IMMP1L: variants seen among roughly 807,000 people sequenced by gnomAD.
The protein encoded by IMMP1L is mitochondrial inner membrane protease subunit 1.
IMMP1L carries 24 observed loss-of-function variants against 21.8 expected under a neutral mutation model. The ratio of observed to expected loss-of-function variants is 1.10; its 90% CI spans 0.80 to 1.55. IMMP1L has a LOEUF of 1.55. IMMP1L is among the 40% of genes most tolerant of loss of function. The pLI is 0.00. For missense variants in IMMP1L, 195 were observed against 200.7 expected, an observed-to-expected ratio of 0.97 and a Z score of 0.17; for synonymous variants, 46 against 62.8, an observed-to-expected ratio of 0.73 and a Z score of 1.26.
rs376599437 is a variant in IMMP1L, at chr11:31,499,113, C to T, written c.-30+10406G>A. ...GGGCGAGGTGGCTTACACTGTAATC[C>T]CAGCACTTTGGAAGGCCAAGGTGCA... On this transcript the variant is annotated intron_variant, in intron 1 of 5. Transcript: ENST00000532287. Among the ~76,000 whole-genome samples, 472 of 152,186 alleles carry T rather than the reference C, an allele frequency of 3.1e-3. 3 individuals carry two copies. Among genetic ancestry groups the T allele is most frequent in the African/African-American group, 0.01 (417 of 41,510 alleles).
intron 4 of IMMP1L, chr11:31,452,114 T>A (rs1953776698): frequency 1.7e-6 from 1 of 593,696 alleles, no homozygotes; most frequent in Non-Finnish European, 2.1e-6. Flanking sequence ...TGGAATGAGT[T>A]CGAAAAAATA....
At position 31,464,748 on chromosome 11, in the gene IMMP1L, G is replaced by A. The variant is rs139371434; in HGVS notation, c.-29-1443C>T. Among the ~76,000 whole-genome samples the A allele has an allele frequency of 5.0e-3, 767 of 152,110 alleles. 5 individuals carry two copies. Among genetic ancestry groups the A allele is most frequent in the South Asian group, 0.015 (73 of 4,818 alleles). The stretch of plus-strand genomic sequence containing the variant: ...TTGATAAATTTCAACATCACTTCAC[G>A]ATACAAACTCTCAAGAAATTAGGCA... On this transcript the variant is annotated intron_variant, in intron 1 of 5. Transcript: ENST00000532287.
intron 1 of IMMP1L, chr11:31,488,124 T>C (rs1725544325): frequency 6.6e-6 from 1 of 152,012 alleles, no homozygotes; most frequent in Admixed American, 6.6e-5. Context: ...AAAAGCCCAC[T>C]TACCATAGGT....
chr11:31,439,510 A>G (rs1953246711), intron 4 of IMMP1L, among the ~76,000 whole-genome samples: 1 of 152,118 alleles, frequency 6.6e-6, no homozygotes, highest in Admixed American at 6.5e-5. Context: ...CTTCTCTGCT[A>G]ATTCCATAAT....
chr11:31,496,989 ATAT>A (rs1955463818), intron 1 of IMMP1L, among the ~76,000 whole-genome samples: 1 of 64,906 alleles, frequency 1.5e-5, no homozygotes, highest in African/African-American at 1.7e-4. Context: ...TGATAATCTT[ATAT>A]CATATACTAT....
At chr11:31,465,400 G>A (rs1243813920) in intron 1 of IMMP1L, among the ~76,000 whole-genome samples, 1 of 152,084 alleles carries the variant, frequency 6.6e-6, no homozygotes, top group Non-Finnish European at 1.5e-5. Flanking sequence ...AAGATTCAAT[G>A]CAATCTCTAT....
intron 1 of IMMP1L, among the ~76,000 whole-genome samples, chr11:31,492,447 T>C (rs1955287339): frequency 6.6e-6 from 1 of 152,188 alleles, no homozygotes; most frequent in Non-Finnish European, 1.5e-5. Flanking sequence ...TCCATATGAG[T>C]AATAAGGTCA....
intron 4 of IMMP1L, among the ~76,000 whole-genome samples, chr11:31,446,333 T>C (rs528092527): frequency 3.3e-5 from 5 of 152,216 alleles, no homozygotes; most frequent in East Asian, 1.9e-4. Context: ...CAGGCTCTCC[T>C]AATCCTAGCC....
chr11:31,473,836 T>C, intron 1 of IMMP1L: 1 of 547,502 alleles, frequency 1.8e-6, no homozygotes, highest in Non-Finnish European at 2.3e-6. Flanking sequence ...AATATATATA[T>C]ACACATTATA....
intron 2 of IMMP1L, among the ~76,000 whole-genome samples, chr11:31,461,763 CAAAATCCAAAAAAATCT>C (rs1342082370): frequency 1.3e-5 from 2 of 151,990 alleles, no homozygotes; most frequent in African/African-American, 4.8e-5. Flanking sequence ...GCAAATATTC[CAAAATCCAAAAAAATCT>C]AAAATCCATA....
At chr11:31,443,319 C>T (rs968041821) in intron 4 of IMMP1L, among the ~76,000 whole-genome samples, 2 of 152,008 alleles carry the variant, frequency 1.3e-5, no homozygotes, top group African/African-American at 4.8e-5. Flanking sequence ...TCCTATAGTG[C>T]CAGCAGAAGC....
chr11:31,463,154 T>C lies in IMMP1L; in HGVS notation c.105+18A>G. 1 of 1,579,086 alleles carries C rather than the reference T, an allele frequency of 6.3e-7. No individual in the cohort carries two copies. The highest frequency in any genetic ancestry group is 8.6e-7 in the Non-Finnish European group (1 of 1,163,950). On this transcript the variant is annotated intron_variant, in intron 2 of 5. Transcript: ENST00000532287. Reference sequence around the variant, plus strand: ...AAGTATATATTTAAGATGAATATTCTTGAACATAAAAACTTACCATGACAA... The same window carrying C: ...AAGTATATATTTAAGATGAATATTCCTGAACATAAAAACTTACCATGACAA...
chr11:31,438,757 T>C (rs1953213039), intron 4 of IMMP1L, among the ~76,000 whole-genome samples: 2 of 152,292 alleles, frequency 1.3e-5, no homozygotes, highest in South Asian at 4.1e-4. Flanking sequence ...AATTTTTTCA[T>C]TTATTCAATT....
chr11:31,452,407 G>A (rs1232211395), intron 4 of IMMP1L: 3 of 985,208 alleles, frequency 3.0e-6, no homozygotes, highest in Middle Eastern at 5.2e-4. Context: ...CATTCCCTAA[G>A]GGAATTAAAT....
chr11:31,463,368 A>T lies in IMMP1L; in HGVS notation c.-29-63T>A, dbSNP rs148605225. The T allele has an allele frequency of 2.3e-4, 315 of 1,366,684 alleles. 7 individuals are homozygous for T. In the East Asian group the frequency reaches 8.7e-3, roughly 38 times the overall value. The allele number at this position is 1,366,684 out of a possible 1,614,324, so 84.7% of individuals were successfully genotyped here. A position where few individuals can be genotyped will look rare whatever the true frequency, so the allele number is the denominator to read the frequency against. On this transcript the variant is annotated intron_variant, in intron 1 of 5. Coordinates refer to ENST00000532287, the MANE Select transcript of IMMP1L (RefSeq NM_001304274.2). ...ATTTAAAAACACTTAAGAAATAACT[A>T]TTGTAAAATATTTTACAATCACCCA...
chr11:31,500,066 G>C (rs1036010603), intron 1 of IMMP1L, among the ~76,000 whole-genome samples: 14 of 152,136 alleles, frequency 9.2e-5, no homozygotes, highest in African/African-American at 3.4e-4. Flanking sequence ...GGCTATTAGA[G>C]AACGACTGGT....
chr11:31,506,322 G>A (rs1157656802), intron 1 of IMMP1L, among the ~76,000 whole-genome samples: 2 of 149,808 alleles, frequency 1.3e-5, no homozygotes, highest in Non-Finnish European at 3.0e-5. Flanking sequence ...TCTGCCTCCC[G>A]GGTTCACCCC....
At chr11:31,439,048 A>C (rs1053094009) in intron 4 of IMMP1L, among the ~76,000 whole-genome samples, 17 of 151,944 alleles carry the variant, frequency 1.1e-4, no homozygotes, top group South Asian at 6.2e-4. Context: ...CCTTGTTCTC[A>C]GTTGTATGTA....
intron 1 of IMMP1L, among the ~76,000 whole-genome samples, chr11:31,476,361 C>G (rs1954728978): frequency 6.6e-6 from 1 of 151,986 alleles, no homozygotes; most frequent in Non-Finnish European, 1.5e-5. Flanking sequence ...TAGCTTGGAA[C>G]CAGTTAAACC....
Sources: allele counts gnomAD v4.1 joint callset (sites outside exome capture counted in the v4.1 genomes callset), GRCh38; gene constraint gnomAD v4.1.1; transcripts MANE v1.5; gene names NCBI Gene and HGNC (gene_info 2026-07-23, HGNC 2026-07-21).